Variants in HBS1L observed in about 807,000 individuals in gnomAD.
The protein encoded by HBS1L is HBS1 like translational GTPase, also known as HBS1-like protein.
Under a neutral mutation model 88.9 loss-of-function variants are expected in HBS1L, and 55 were observed. The observed-to-expected ratio is 0.62, with a 90% CI of 0.50 to 0.77. The LOEUF is 0.77. HBS1L is among the 30% of genes least tolerant of loss of function. HBS1L has a pLI of 0.00. For missense variants in HBS1L, 741 were observed against 829.3 expected (o/e 0.89, Z 1.31); for synonymous variants, 267 against 288.5 (o/e 0.93, Z 0.76).
chr6:135,004,884 G>C (rs1775568741), intron 4 of HBS1L, among the ~76,000 whole-genome samples: 1 of 152,180 alleles, frequency 6.6e-6, no homozygotes, highest in African/African-American at 2.4e-5. Flanking sequence ...ACCACCAAGG[G>C]AGAGAGCACA....
chr6:135,024,282 T>C (rs1025800759), intron 4 of HBS1L, among the ~76,000 whole-genome samples: 2 of 151,508 alleles, frequency 1.3e-5, no homozygotes, highest in African/African-American at 2.4e-5. Flanking sequence ...CTACTAAAAA[T>C]ACAAAAAATT....
intron 13 of HBS1L, among the ~76,000 whole-genome samples, chr6:134,981,743 G>T (rs906064873): frequency 9.9e-5 from 15 of 151,714 alleles, no homozygotes; most frequent in African/African-American, 2.7e-4. Flanking sequence ...AATAAAAGAG[G>T]TATAGAATTA....
intron 15 of HBS1L, among the ~76,000 whole-genome samples, chr6:134,976,023 G>C (rs1331846230): frequency 1.3e-5 from 2 of 151,952 alleles, no homozygotes; most frequent in Non-Finnish European, 2.9e-5. Flanking sequence ...GACAGGACTA[G>C]TATCCAGAAT....
intron 5 of HBS1L, among the ~76,000 whole-genome samples, chr6:135,002,322 C>T (rs1364273073): frequency 6.6e-6 from 1 of 152,036 alleles, no homozygotes; most frequent in Non-Finnish European, 1.5e-5. Context: ...ATATGAAAAT[C>T]CAAAAGAGTT....
chr6:134,986,607 T>C (rs778120354), intron 10 of HBS1L, 129 bp downstream of exon 10: 1 of 479,530 alleles, frequency 2.1e-6, no homozygotes, highest in Non-Finnish European at 3.7e-6. Context: ...ATATATATGA[T>C]ACTCAAGAGA....
chr6:134,979,419 T>A (rs538967854), intron 13 of HBS1L, 151 bp from the exon 14 acceptor site: 1 of 617,462 alleles, frequency 1.6e-6, no homozygotes, highest in South Asian at 1.9e-5. Flanking sequence ...ACTGTGAGCG[T>A]TGAGGAAAAC....
chr6:135,051,710 AC>A (rs1470581355), intron 1 of HBS1L, among the ~76,000 whole-genome samples: 1 of 152,194 alleles, frequency 6.6e-6, no homozygotes, highest in Non-Finnish European at 1.5e-5. Context: ...TTAGCCAACT[AC>A]CTGGCACATA....
intron 5 of HBS1L, among the ~76,000 whole-genome samples, chr6:135,000,251 G>A (rs1463197815): frequency 1.5e-5 from 2 of 130,476 alleles, no homozygotes; most frequent in East Asian, 3.9e-4. Context: ...AGAGATGGGG[G>A]AATCTCAATA....
In HBS1L at chr6:134,962,380, T is replaced by TAAC. The variant is rs1287460685; in HGVS notation, c.*2898_*2899insGTT. On this transcript the variant is annotated 3_prime_UTR_variant, in exon 18 of 18. Transcript: ENST00000367837. ...AAATACATGAAAACATTGGCAGCAGTTACCTTTAGGTGACAGAACTGTGGG... is the reference window on the plus strand; with the variant it reads ...AAATACATGAAAACATTGGCAGCAGTAACTACCTTTAGGTGACAGAACTGTGGG... The TAAC allele has an allele frequency of 1.1e-4, 17 of 152,212 alleles. No homozygotes were observed. The highest frequency in any genetic ancestry group is 1.5e-5 in the Non-Finnish European group (1 of 68,036). 9.4% of individuals were successfully genotyped at this position (152,212 alleles called of 1,614,324 possible).
chr6:135,047,434 T>G (rs1378003876), intron 2 of HBS1L, among the ~76,000 whole-genome samples: 2 of 152,126 alleles, frequency 1.3e-5, no homozygotes, highest in Non-Finnish European at 2.9e-5. Flanking sequence ...TATTTCCAAA[T>G]CCAATGCTAC....
intron 15 of HBS1L, among the ~76,000 whole-genome samples, chr6:134,977,499 GCTTTT>G (rs932560459): frequency 2.6e-5 from 4 of 151,808 alleles, no homozygotes; most frequent in East Asian, 1.9e-4. Flanking sequence ...TTTAAAAGAA[GCTTTT>G]CTTTTCTAGT....
At chr6:135,030,341 C>G (rs1275191943) in intron 4 of HBS1L, among the ~76,000 whole-genome samples, 2 of 151,960 alleles carry the variant, frequency 1.3e-5, no homozygotes, top group East Asian at 1.9e-4. Context: ...TTCCCCTACC[C>G]CATGATTGAG....
chr6:135,051,218 C>T (rs1353975089), intron 1 of HBS1L, among the ~76,000 whole-genome samples: 4 of 150,982 alleles, frequency 2.6e-5, no homozygotes, highest in Admixed American at 2.6e-4. Flanking sequence ...AGCAAGACTC[C>T]GTCTCAAAAA....
intron 16 of HBS1L, among the ~76,000 whole-genome samples, chr6:134,968,573 T>C (rs1371197980): frequency 6.6e-6 from 1 of 152,170 alleles, no homozygotes; most frequent in Non-Finnish European, 1.5e-5. Flanking sequence ...GTAACATTCA[T>C]CTCTAGTCCT....
intron 4 of HBS1L, among the ~76,000 whole-genome samples, chr6:135,027,434 T>G (rs572461141): frequency 2.4e-4 from 37 of 152,112 alleles, no homozygotes; most frequent in Middle Eastern, 6.8e-3. Flanking sequence ...AAAACTCTCT[T>G]GGACTCTTGG....
chr6:135,007,670 G>T (rs1775651218), intron 4 of HBS1L, among the ~76,000 whole-genome samples: 1 of 151,970 alleles, frequency 6.6e-6, no homozygotes, highest in Admixed American at 6.5e-5. Flanking sequence ...AGTCAGAAAG[G>T]AACTCATAAC....
chr6:134,984,266 T>A lies in HBS1L; in HGVS notation c.1492+1075A>T, dbSNP rs1006138571. ...AATGATAAATTTTGATTTCATTGCATGATTTTTTCAAAGCACCTTCATTCA... is the reference window on the plus strand; with the variant it reads ...AATGATAAATTTTGATTTCATTGCAAGATTTTTTCAAAGCACCTTCATTCA... On this transcript the variant is annotated intron_variant, in intron 12 of 17. Transcript: ENST00000367837. Among the ~76,000 whole-genome samples the A allele has an allele frequency of 2.6e-5, 4 of 152,230 alleles. No homozygotes were observed. In the South Asian group the frequency reaches 8.3e-4, roughly 31 times the overall value.
At chr6:134,989,741 G>A (rs1775079539) in intron 8 of HBS1L, among the ~76,000 whole-genome samples, 1 of 152,022 alleles carries the variant, frequency 6.6e-6, no homozygotes, top group Admixed American at 6.6e-5. Context: ...CTACTCTTAA[G>A]TGCCATCTTC....
chr6:134,973,089 T>C (rs1413906595), intron 15 of HBS1L, among the ~76,000 whole-genome samples: 2 of 152,234 alleles, frequency 1.3e-5, no homozygotes, highest in Non-Finnish European at 2.9e-5. Flanking sequence ...ATTCCACTCC[T>C]AGGCATATGC....
Sources: allele counts gnomAD v4.1 joint callset (sites outside exome capture counted in the v4.1 genomes callset), GRCh38; gene constraint gnomAD v4.1.1; transcripts MANE v1.5; gene names NCBI Gene and HGNC (gene_info 2026-07-23, HGNC 2026-07-21).